THADA: variants seen among roughly 807,000 people sequenced by gnomAD.
THADA encodes the protein THADA armadillo repeat containing, also known as tRNA (32-2'-O)-methyltransferase regulator THADA.
THADA carries 213 observed loss-of-function variants against 219.8 expected under a neutral mutation model. The ratio of observed to expected loss-of-function variants is 0.97; its 90% CI spans 0.87 to 1.09. The LOEUF is 1.09. THADA is among the 50% of genes least tolerant of loss of function. The pLI, the probability that THADA is intolerant of heterozygous loss-of-function variation, is 0.00. For missense variants in THADA, 2,956 were observed against 2,311.3 expected (o/e 1.28, Z -5.72); for synonymous variants, 1,018 against 828.9 (o/e 1.23, Z -3.92).
chr2:43,515,385 T>A (rs371824291), intron 22 of THADA, among the ~76,000 whole-genome samples: 25 of 66,804 alleles, frequency 3.7e-4, no homozygotes, highest in Middle Eastern at 4.8e-3. Flanking sequence ...TATATAATAT[T>A]TTATATATAA....
At chr2:43,455,390 TTTTC>T (rs1682861488) in intron 26 of THADA, among the ~76,000 whole-genome samples, 1 of 152,180 alleles carries the variant, frequency 6.6e-6, no homozygotes, top group South Asian at 2.1e-4. Context: ...AAATCTCTAT[TTTTC>T]TTTCTATTGT....
In THADA at chr2:43,574,737, C is replaced by G; in HGVS notation, c.1328G>C (p.Ser443Thr). 4 of 1,614,034 alleles carry G rather than the reference C, an allele frequency of 2.5e-6. No homozygotes were observed. The highest frequency in any genetic ancestry group is 3.4e-6 in the Non-Finnish European group (4 of 1,179,894). ...AATATGCCATTCCAATCGTAAAAGACTCTCAGTCAATTCCACAAAGAAAGG... is the reference window on the plus strand; with the variant it reads ...AATATGCCATTCCAATCGTAAAAGAGTCTCAGTCAATTCCACAAAGAAAGG... ...PDPFFVELTE[S>T]LLRLEWHIKG... Residue 443 changes from serine (S) to threonine (T), a missense_variant, in exon 11 of 38, where the codon AGT becomes ACT. By Grantham distance (58) the Ser-to-Thr change is moderately conservative. Transcript: ENST00000405975.
chr2:43,388,286 G>A (rs1231927336), intron 29 of THADA, among the ~76,000 whole-genome samples: 1 of 152,112 alleles, frequency 6.6e-6, no homozygotes, highest in Non-Finnish European at 1.5e-5. Flanking sequence ...AAGCCTGACA[G>A]TGTACCCACG....
At chr2:43,296,206 C>T (rs982131504) in intron 31 of THADA, among the ~76,000 whole-genome samples, 14 of 151,958 alleles carry the variant, frequency 9.2e-5, no homozygotes, top group Admixed American at 4.6e-4. Flanking sequence ...CGTGAGCCAC[C>T]GTGCCCGGCC....
intron 31 of THADA, among the ~76,000 whole-genome samples, chr2:43,313,771 T>C (rs1169191181): frequency 6.6e-6 from 1 of 152,228 alleles, no homozygotes; most frequent in Non-Finnish European, 1.5e-5. Flanking sequence ...GACAGAAGCC[T>C]GGGAAGTTGA....
intron 11 of THADA, among the ~76,000 whole-genome samples, chr2:43,574,114 A>T (rs909200450): frequency 3.9e-5 from 6 of 152,232 alleles, no homozygotes; most frequent in Admixed American, 3.9e-4. Context: ...TTATCATTTT[A>T]AGTGGAATTA....
intron 30 of THADA, among the ~76,000 whole-genome samples, 166 bp from the exon 31 acceptor site, chr2:43,320,706 T>C (rs951093239): frequency 6.6e-6 from 1 of 152,206 alleles, no homozygotes; most frequent in African/African-American, 2.4e-5. Context: ...AATAAGCAAC[T>C]AATGTGAGCA....
chr2:43,549,104 G>A (rs1696440481), intron 20 of THADA, 106 bp downstream of exon 20: 1 of 1,037,094 alleles, frequency 9.6e-7, no homozygotes, highest in East Asian at 3.0e-5. Flanking sequence ...TTCTAGAAAT[G>A]TTCTGCACAG....
chr2:43,297,340 C>T (rs77481850), intron 31 of THADA, among the ~76,000 whole-genome samples: 5,595 of 81,252 alleles, frequency 0.069, 72 homozygotes, highest in South Asian at 0.096. Context: ...CCCCTCCGCC[C>T]GGCAGCTGCC....
chr2:43,355,030 T>A (rs2104570836), intron 29 of THADA, among the ~76,000 whole-genome samples: 1 of 152,322 alleles, frequency 6.6e-6, no homozygotes, highest in Non-Finnish European at 1.5e-5. Flanking sequence ...TCAGCCATGC[T>A]GAACTGTGAG....
chr2:43,503,694 G>A (rs1419841977), intron 24 of THADA, among the ~76,000 whole-genome samples: 2 of 152,004 alleles, frequency 1.3e-5, no homozygotes, highest in Non-Finnish European at 2.9e-5. Context: ...AAATAATAAA[G>A]AAATGAACCC....
At chr2:43,336,287 T>A (rs954918516) in intron 30 of THADA, among the ~76,000 whole-genome samples, 13 of 151,902 alleles carry the variant, frequency 8.6e-5, no homozygotes, top group African/African-American at 3.1e-4. Context: ...TTTGTTTGTT[T>A]TTGAGACAGA....
At chr2:43,384,544 G>A (rs138924441) in intron 29 of THADA, among the ~76,000 whole-genome samples, 7 of 152,224 alleles carry the variant, frequency 4.6e-5, no homozygotes, top group African/African-American at 9.6e-5. Flanking sequence ...ATATTTGTAC[G>A]CTCAATCATG....
intron 26 of THADA, among the ~76,000 whole-genome samples, chr2:43,436,789 A>G (rs887949316): frequency 6.6e-6 from 1 of 152,198 alleles, no homozygotes; most frequent in African/African-American, 2.4e-5. Flanking sequence ...TGACGTAGGG[A>G]TCTCCCCAAA....
At chr2:43,569,651 T>C (rs1002254386) in intron 14 of THADA, among the ~76,000 whole-genome samples, 2 of 152,186 alleles carry the variant, frequency 1.3e-5, no homozygotes, top group Non-Finnish European at 2.9e-5. Context: ...ATGTTTAGAG[T>C]AAGTAGTGAG....
intron 28 of THADA, among the ~76,000 whole-genome samples, chr2:43,425,360 C>T (rs1449489467): frequency 6.6e-6 from 1 of 151,916 alleles, no homozygotes; most frequent in Non-Finnish European, 1.5e-5. Context: ...TTCTGCATTC[C>T]TGGGTCAAAA....
intron 26 of THADA, among the ~76,000 whole-genome samples, chr2:43,436,721 C>CTT (rs1246450169): frequency 6.6e-6 from 1 of 152,156 alleles, no homozygotes; most frequent in Non-Finnish European, 1.5e-5. Flanking sequence ...AAACTAGAAA[C>CTT]TTTAAGATTT....
At position 43,574,864 on chromosome 2, in the gene THADA, C is replaced by T. The variant is rs865883026; in HGVS notation, c.1201G>A (p.Glu401Lys). Reference sequence around the variant, plus strand: ...TGTCTCAGAGCATCCAATGGATGTTCCCAATGGGTATAGACATATTCCAAA... The same window carrying T: ...TGTCTCAGAGCATCCAATGGATGTTTCCAATGGGTATAGACATATTCCAAA... Reference protein sequence around the residue: ...RLLEYVYTHWEHPLDALRHQT... With the variant: ...RLLEYVYTHWKHPLDALRHQT... Residue 401 changes from glutamate (E) to lysine (K), a missense_variant, in exon 11 of 38, where the codon GAA (glutamate) becomes AAA (lysine). Coordinates refer to ENST00000405975, the MANE Select transcript of THADA (RefSeq NM_022065.5). 6 of 1,613,846 alleles carry T rather than the reference C, an allele frequency of 3.7e-6. No homozygotes were observed. In the African/African-American group the frequency reaches 6.7e-5, roughly 18 times the overall value.
At chr2:43,384,087 C>T (rs1052085629) in intron 29 of THADA, among the ~76,000 whole-genome samples, 12 of 152,164 alleles carry the variant, frequency 7.9e-5, no homozygotes, top group Admixed American at 7.2e-4. Context: ...TAAGAGTTAA[C>T]TTCTGAAATG....
Sources: allele counts gnomAD v4.1 joint callset (sites outside exome capture counted in the v4.1 genomes callset), GRCh38; gene constraint gnomAD v4.1.1; transcripts MANE v1.5; gene names NCBI Gene and HGNC (gene_info 2026-07-23, HGNC 2026-07-21).